The following EBF1 variants were observed in gnomAD, a reference collection of about 807,000 sequenced individuals.
The protein encoded by EBF1 is transcription factor COE1.
A neutral mutation model predicts 68.4 loss-of-function variants in EBF1; 10 were observed. That is an observed-to-expected ratio of 0.15 (90% CI 0.09 to 0.25). The LOEUF is 0.25. Among genes scored for constraint, EBF1 ranks in the 10% least tolerant of loss-of-function variants. The probability of loss-of-function intolerance (pLI) is 1.00; values close to 1 mark genes in which losing one functional copy is unlikely to be tolerated. For synonymous variants in EBF1, 298 were observed against 299.8 expected (o/e 0.99, Z 0.06); for missense variants, 509 against 794.4 (o/e 0.64, Z 4.32).
chr5:158,941,593 C>G (rs1358150014), intron 6 of EBF1, among the ~76,000 whole-genome samples: 1 of 152,194 alleles, frequency 6.6e-6, no homozygotes, highest in Non-Finnish European at 1.5e-5. Flanking sequence ...GATGCTAGAA[C>G]CCAAGATCTT....
At chr5:158,879,819 G>T (rs1287283425) in intron 6 of EBF1, among the ~76,000 whole-genome samples, 1 of 152,216 alleles carries the variant, frequency 6.6e-6, no homozygotes, top group Non-Finnish European at 1.5e-5. Flanking sequence ...TTGAATCTGT[G>T]TAGTGAATAT....
intron 6 of EBF1, among the ~76,000 whole-genome samples, chr5:158,993,085 C>T (rs1760708547): frequency 6.6e-6 from 1 of 151,348 alleles, no homozygotes; most frequent in South Asian, 2.1e-4. Context: ...CACGCTGCTA[C>T]ACCCAGCTAA....
At chr5:158,939,653 C>G (rs1327166627) in intron 6 of EBF1, among the ~76,000 whole-genome samples, 1 of 150,772 alleles carries the variant, frequency 6.6e-6, no homozygotes, top group African/African-American at 2.4e-5. Context: ...ATGTGGACAT[C>G]TGCACTACAA....
rs1237411847 is a variant in EBF1, at chr5:158,698,034, A to G, written c.*1077T>C. The G allele has an allele frequency of 4.7e-6, 1 of 213,436 alleles. No homozygotes were observed. Among genetic ancestry groups the G allele is most frequent in the African/African-American group, 2.3e-5 (1 of 44,230 alleles). The allele number at this position is 213,436 out of a possible 1,614,324, so 13.2% of individuals were successfully genotyped here. A position where few individuals can be genotyped will look rare whatever the true frequency, so the allele number is the denominator to read the frequency against. On this transcript the variant is annotated 3_prime_UTR_variant, in exon 16 of 16. Coordinates refer to ENST00000313708, the MANE Select transcript of EBF1 (RefSeq NM_024007.5). Reference sequence around the variant, plus strand: ...TTCAATCTATTATGTTACAAATGGTAAGGGTCGACTGATAGAGGCAGTATC... The same window carrying G: ...TTCAATCTATTATGTTACAAATGGTGAGGGTCGACTGATAGAGGCAGTATC...
chr5:158,811,255 G>A (rs1008930988), intron 8 of EBF1, among the ~76,000 whole-genome samples: 3 of 152,116 alleles, frequency 2.0e-5, no homozygotes, highest in African/African-American at 7.2e-5. Flanking sequence ...TTACCCTTGG[G>A]ATTTAGCATA....
At chr5:158,868,943 G>A (rs1042917804) in intron 6 of EBF1, among the ~76,000 whole-genome samples, 1 of 152,144 alleles carries the variant, frequency 6.6e-6, no homozygotes, top group African/African-American at 2.4e-5. Flanking sequence ...AATCGAAGGA[G>A]GTTTCATGTT....
intron 6 of EBF1, among the ~76,000 whole-genome samples, chr5:159,071,214 T>C (rs897150028): frequency 2.0e-5 from 3 of 152,216 alleles, no homozygotes; most frequent in African/African-American, 7.2e-5. Flanking sequence ...CATGAAAAGA[T>C]AGTTCATCAG....
At chr5:158,839,407 T>C (rs1021044025) in intron 7 of EBF1, among the ~76,000 whole-genome samples, 1 of 152,040 alleles carries the variant, frequency 6.6e-6, no homozygotes, top group African/African-American at 2.4e-5. Flanking sequence ...TGGTGGGGGG[T>C]ATAGGATCTT....
chr5:158,945,340 A>G (rs1014910612), intron 6 of EBF1, among the ~76,000 whole-genome samples: 2 of 152,210 alleles, frequency 1.3e-5, no homozygotes, highest in Admixed American at 1.3e-4. Context: ...TTCTTTCCCC[A>G]TTACTTGTTT....
intron 6 of EBF1, among the ~76,000 whole-genome samples, chr5:158,938,336 C>G (rs1391266604): frequency 6.6e-6 from 1 of 152,192 alleles, no homozygotes; most frequent in Non-Finnish European, 1.5e-5. Context: ...TCACCTTTCA[C>G]CCCCCTCCTC....
chr5:158,714,890 C>T (rs1760291642), intron 11 of EBF1, among the ~76,000 whole-genome samples: 1 of 152,140 alleles, frequency 6.6e-6, no homozygotes, highest in Non-Finnish European at 1.5e-5. Flanking sequence ...TAGATAGATG[C>T]TTGGCTACTC....
intron 10 of EBF1, among the ~76,000 whole-genome samples, chr5:158,732,266 G>T (rs1307047527): frequency 1.3e-5 from 2 of 152,162 alleles, no homozygotes; most frequent in Non-Finnish European, 2.9e-5. Context: ...TGCTTAAAAT[G>T]CATTTCCATT....
intron 10 of EBF1, among the ~76,000 whole-genome samples, chr5:158,749,797 G>A (rs1431466084): frequency 1.3e-5 from 2 of 152,088 alleles, no homozygotes; most frequent in African/African-American, 2.4e-5. Context: ...AGGGAGGCTG[G>A]ACATACCTTT....
intron 6 of EBF1, chr5:158,982,874 G>A (rs1758171529): frequency 6.6e-6 from 1 of 152,100 alleles, no homozygotes; most frequent in Non-Finnish European, 1.5e-5. Context: ...ATCTTGGGAG[G>A]AAATCCAAAA....
chr5:158,798,988 G>A (rs550203313), intron 8 of EBF1, among the ~76,000 whole-genome samples: 1 of 152,088 alleles, frequency 6.6e-6, no homozygotes, highest in Non-Finnish European at 1.5e-5. Context: ...GGGTTCCAAA[G>A]CTCCTCCTAT....
intron 6 of EBF1, among the ~76,000 whole-genome samples, chr5:159,064,995 G>A (rs1776547289): frequency 6.8e-6 from 1 of 146,374 alleles, no homozygotes; most frequent in Non-Finnish European, 1.5e-5. Flanking sequence ...CCTGATGCAG[G>A]TCCATAGTTC....
intron 6 of EBF1, among the ~76,000 whole-genome samples, chr5:159,014,800 G>T (rs963763724): frequency 6.6e-6 from 1 of 152,198 alleles, no homozygotes; most frequent in South Asian, 2.1e-4. Context: ...GGAAGGGTCT[G>T]CCCTGCCCCT....
intron 10 of EBF1, among the ~76,000 whole-genome samples, chr5:158,762,837 T>C (rs1440007839): frequency 6.6e-6 from 1 of 152,148 alleles, no homozygotes; most frequent in Non-Finnish European, 1.5e-5. Context: ...ACCCAGCTAA[T>C]TTTTTTATGA....
Position 158,777,433 on chromosome 5 carries a change from G to A in EBF1, c.1016C>T (p.Pro339Leu), listed in dbSNP as rs1331823163. 6.2e-7 allele frequency: 1 copy of A among 1,611,924 alleles called. No homozygotes were observed. The change falls in exon 10 of 16, where the codon CCA becomes CTA. Residue 339 changes from proline (P) to leucine (L), a missense_variant. Pro to Leu is a moderately conservative substitution (Grantham distance 98). Transcript: ENST00000313708. Reference protein sequence around the residue: ...YKSKQFCKGTPGRFIYTALNE... With the variant: ...YKSKQFCKGTLGRFIYTALNE... ...CTTACCTGTATAAATGAATCTGCCT[G>A]GTGTTCCTTTGCAGAACTGCTTAGA...
Sources: allele counts gnomAD v4.1 joint callset (sites outside exome capture counted in the v4.1 genomes callset), GRCh38; gene constraint gnomAD v4.1.1; transcripts MANE v1.5; gene names NCBI Gene and HGNC (gene_info 2026-07-23, HGNC 2026-07-21).